Variants in NSD1 observed in about 807,000 individuals in gnomAD.
NSD1 encodes the protein nuclear receptor binding SET domain protein 1.
NSD1 carries 26 observed loss-of-function variants against 242.7 expected under a neutral mutation model. The ratio of observed to expected loss-of-function variants is 0.11; its 90% CI spans 0.08 to 0.15. The LOEUF is 0.15. NSD1 is among the 10% of genes least tolerant of loss of function. NSD1 has a pLI of 1.00. For missense variants in NSD1, 2,495 were observed against 3,272.8 expected (o/e 0.76, Z 5.80); for synonymous variants, 1,106 against 1,178.1 (o/e 0.94, Z 1.25).
At chr5:177,158,125 G>A (rs1758286012) in intron 2 of NSD1, among the ~76,000 whole-genome samples, 1 of 152,134 alleles carries the variant, frequency 6.6e-6, no homozygotes, top group South Asian at 2.1e-4. Context: ...CCTAGAAGTG[G>A]TATTGTCGGA....
chr5:177,143,056 CA>C (rs1323454811), intron 2 of NSD1, among the ~76,000 whole-genome samples: 3 of 152,086 alleles, frequency 2.0e-5, no homozygotes, highest in Admixed American at 6.6e-5. Context: ...TTACTGGGGA[CA>C]TATCGAGTTA....
intron 5 of NSD1, among the ~76,000 whole-genome samples, chr5:177,223,585 C>G (rs929146113): frequency 6.6e-6 from 1 of 151,986 alleles, no homozygotes; most frequent in Non-Finnish European, 1.5e-5. Context: ...AAAAACAAAA[C>G]AAGAGACAGC....
chr5:177,249,462 T>A (rs528680832), intron 11 of NSD1, among the ~76,000 whole-genome samples: 2,683 of 151,488 alleles, frequency 0.018, 33 homozygotes, highest in Non-Finnish European at 0.028. Flanking sequence ...ATTAATTATT[T>A]ATTTATTTAT....
intron 8 of NSD1, among the ~76,000 whole-genome samples, chr5:177,243,565 C>T (rs988970382): frequency 1.3e-5 from 2 of 152,172 alleles, no homozygotes; most frequent in African/African-American, 4.8e-5. Flanking sequence ...TGGGTACATA[C>T]CCCTTCTCTT....
intron 5 of NSD1, among the ~76,000 whole-genome samples, chr5:177,232,513 A>G (rs971213830): frequency 3.3e-5 from 5 of 152,190 alleles, no homozygotes; most frequent in East Asian, 3.8e-4. Flanking sequence ...AGTTTATTCA[A>G]CGTCCCCCAG....
chr5:177,161,759 A>T (rs1257935921), intron 2 of NSD1, among the ~76,000 whole-genome samples: 1 of 150,560 alleles, frequency 6.6e-6, no homozygotes, highest in East Asian at 2.0e-4. Flanking sequence ...CACACTTGCA[A>T]CCTCTGCCTC....
At chr5:177,140,928 T>C (rs1389965679) in intron 2 of NSD1, among the ~76,000 whole-genome samples, 38 of 152,098 alleles carry the variant, frequency 2.5e-4, no homozygotes, top group Non-Finnish European at 2.9e-5. Flanking sequence ...AATTTTCTAC[T>C]CCCTCCTTAG....
intron 2 of NSD1, among the ~76,000 whole-genome samples, chr5:177,146,028 A>G (rs1757211348): frequency 6.6e-6 from 1 of 151,282 alleles, no homozygotes; most frequent in South Asian, 2.1e-4. Flanking sequence ...GTTTGAGGCT[A>G]CAGTGAACAC....
intron 9 of NSD1, among the ~76,000 whole-genome samples, chr5:177,246,017 C>T (rs981584891): frequency 6.7e-6 from 1 of 150,004 alleles, no homozygotes; most frequent in African/African-American, 2.5e-5. Flanking sequence ...GTTACCCAGG[C>T]TGGAGTGCGG....
chr5:177,135,963 G>C lies in NSD1; in HGVS notation c.860G>C (p.Ser287Thr). 2 of 1,614,004 alleles carry C rather than the reference G, an allele frequency of 1.2e-6. No individual in the cohort carries two copies. The highest frequency in any genetic ancestry group is 8.5e-7 in the Non-Finnish European group (1 of 1,179,998). The change falls in exon 2 of 23, where the codon AGT (serine) becomes ACT (threonine). Residue 287 changes from serine to threonine, a missense_variant. By Grantham distance (58) the Ser-to-Thr change is moderately conservative. Around this residue, in one of 19 missense-constraint regions of NSD1, gnomAD observed 376 missense variants for 367.4 expected, o/e 1.02. Coordinates refer to ENST00000439151, the MANE Select transcript of NSD1 (RefSeq NM_022455.5). The part of the protein sequence containing the change: ...SFQDDPDSST[S>T]TLGNMLELPG... Reference sequence around the variant, plus strand: ...CAGGATGATCCAGATTCCAGTACCAGTACATTAGGAAACATGCTAGAATTA... The same window carrying C: ...CAGGATGATCCAGATTCCAGTACCACTACATTAGGAAACATGCTAGAATTA...
At chr5:177,199,635 C>G (rs1205551878) in intron 3 of NSD1, among the ~76,000 whole-genome samples, 2 of 133,474 alleles carry the variant, frequency 1.5e-5, no homozygotes, top group Non-Finnish European at 3.1e-5. Context: ...GAGTCTCTCT[C>G]TGTCACCAGA....
intron 5 of NSD1, among the ~76,000 whole-genome samples, chr5:177,223,431 G>A (rs757191995): frequency 2.0e-5 from 3 of 152,004 alleles, no homozygotes; most frequent in Non-Finnish European, 4.4e-5. Flanking sequence ...AAATTAGCCG[G>A]ATGTGGTAGC....
In NSD1 at chr5:177,158,938, G is replaced by A. The variant is rs201299052; in HGVS notation, c.927+22908G>A. On this transcript the variant is annotated intron_variant, in intron 2 of 22. Transcript: ENST00000439151. ...ATATATAGTTTGTGTGTGTGTGTGTGTATATATACACACATATATATATAC... is the reference window on the plus strand; with the variant it reads ...ATATATAGTTTGTGTGTGTGTGTGTATATATATACACACATATATATATAC... Among the ~76,000 whole-genome samples the A allele has an allele frequency of 9.8e-4, 139 of 141,760 alleles. 1 individual carries two copies. Among genetic ancestry groups the A allele is most frequent in the South Asian group, 2.0e-3 (9 of 4,602 alleles). The allele number at this position is 141,760 out of a possible 152,430, so 93.0% of individuals were successfully genotyped here.
intron 2 of NSD1, among the ~76,000 whole-genome samples, chr5:177,166,829 C>T (rs1759247054): frequency 6.7e-6 from 1 of 150,174 alleles, no homozygotes; most frequent in African/African-American, 2.5e-5. Context: ...GACATGGCTG[C>T]TTCCTGGGTT....
intron 5 of NSD1, among the ~76,000 whole-genome samples, chr5:177,229,583 T>C (rs1764896019): frequency 6.6e-6 from 1 of 152,194 alleles, no homozygotes. Flanking sequence ...ACTTACTTTT[T>C]TGCCTCACTT....
chr5:177,245,864 C>T (rs1381992390), intron 9 of NSD1, among the ~76,000 whole-genome samples: 2 of 152,088 alleles, frequency 1.3e-5, no homozygotes, highest in African/African-American at 2.4e-5. Context: ...GTCTTGATCT[C>T]CTGACCTCGT....
At chr5:177,248,474 T>G in intron 11 of NSD1, 150 bp downstream of exon 11, 1 of 1,061,686 alleles carries the variant, frequency 9.4e-7, no homozygotes. Context: ...TTGACCCCTT[T>G]TTTTCTCCCC....
chr5:177,273,629 C>T (rs763347152), intron 16 of NSD1, 43 bp from the exon 17 acceptor site: 23 of 1,407,332 alleles, frequency 1.6e-5, no homozygotes, highest in Non-Finnish European at 4.0e-6. Context: ...TAAGTAATTC[C>T]ACCCAGAGAT....
At chr5:177,165,677 C>T (rs893812290) in intron 2 of NSD1, among the ~76,000 whole-genome samples, 3 of 152,196 alleles carry the variant, frequency 2.0e-5, no homozygotes, top group East Asian at 1.9e-4. Flanking sequence ...ACTACAGCCT[C>T]GACTTCCCTG....
Sources: gnomAD v4.1 joint callset for allele counts (sites outside exome capture counted in the v4.1 genomes callset) on GRCh38, gnomAD v4.1.1 for gene constraint, gnomAD v4.1.1 regional missense constraint, MANE v1.5 for transcripts, NCBI Gene and HGNC (gene_info 2026-07-23, HGNC 2026-07-21) for gene names.